The following SETD5 variants were observed in gnomAD, a reference collection of about 807,000 sequenced individuals.
The protein encoded by SETD5 is SET domain containing 5.
A neutral mutation model predicts 153.3 loss-of-function variants in SETD5; 44 were observed. The observed-to-expected ratio is 0.29, with a 90% CI of 0.23 to 0.37. The LOEUF (loss-of-function observed/expected upper bound fraction) is 0.37. Among genes scored for constraint, SETD5 ranks in the 10% least tolerant of loss-of-function variants. The pLI is 1.00. For synonymous variants in SETD5, 716 were observed against 645.2 expected (o/e 1.11, Z -1.66); for missense variants, 1,544 against 1,768.0 (o/e 0.87, Z 2.27).
intron 8 of SETD5, 123 bp downstream of exon 8, chr3:9,440,821 A>T: frequency 7.8e-7 from 1 of 1,278,102 alleles, no homozygotes; most frequent in Non-Finnish European, 1.1e-6. Context: ...CAGATTAGCC[A>T]GGTGTTGATC....
chr3:9,410,183 T>C (rs565386276), intron 1 of SETD5, among the ~76,000 whole-genome samples: 1 of 152,344 alleles, frequency 6.6e-6, no homozygotes, highest in East Asian at 1.9e-4. Context: ...GTGCAGCATG[T>C]GACCACTGGA....
At chr3:9,446,983 T>G in intron 13 of SETD5, 67 bp from the exon 14 acceptor site, 1 of 1,163,898 alleles carries the variant, frequency 8.6e-7, no homozygotes, top group Non-Finnish European at 1.2e-6. Flanking sequence ...TTAAAAATAC[T>G]TTTATAAAAG....
At position 9,435,834 on chromosome 3, in the gene SETD5, A is replaced by G; in HGVS notation, c.495A>G (p.Arg165=). 1 of 1,601,986 alleles carries G rather than the reference A, an allele frequency of 6.2e-7. No individual in the cohort carries two copies. Among genetic ancestry groups the G allele is most frequent in the Non-Finnish European group, 8.5e-7 (1 of 1,173,962 alleles). The change falls in exon 7 of 23, where the codon AGA becomes AGG. Residue 165 remains arginine, a synonymous_variant. Transcript: ENST00000402198. ...CTACAAGCATCACCTTAACTGTTAG[A>G]AGAACCAAACCCAAGAAGCGGAAAA... The part of the protein sequence containing the change: ...HTPTSITLTV[R]RTKPKKRKKS...
At chr3:9,467,199 C>CAAAAAAAAAAAAAAAAAAAAAAA (rs35894304) in intron 18 of SETD5, among the ~76,000 whole-genome samples, 1 of 40,860 alleles carries the variant, frequency 2.4e-5, no homozygotes. Flanking sequence ...GACTCTCTCT[C>CAAAAAAAAAAAAAAAAAAAAAAA]AAAAAAAAAA....
chr3:9,426,837 C>T (rs2039323811), intron 2 of SETD5, among the ~76,000 whole-genome samples: 2 of 152,132 alleles, frequency 1.3e-5, no homozygotes, highest in South Asian at 2.1e-4. Flanking sequence ...TTCATCTGGC[C>T]CAGTCATTTC....
chr3:9,471,140 A>G (rs1194295208), intron 19 of SETD5, among the ~76,000 whole-genome samples: 1 of 152,328 alleles, frequency 6.6e-6, no homozygotes, highest in East Asian at 1.9e-4. Context: ...TGTGCCATAT[A>G]CTTGCTAGGC....
chr3:9,430,433 T>A, intron 3 of SETD5: 1 of 754,938 alleles, frequency 1.3e-6, no homozygotes, highest in African/African-American at 1.9e-5. Context: ...TTTCTTCTTT[T>A]GTTTTTGTTT....
chr3:9,411,304 A>G (rs903411883), intron 1 of SETD5, among the ~76,000 whole-genome samples: 1 of 152,144 alleles, frequency 6.6e-6, no homozygotes, highest in Non-Finnish European at 1.5e-5. Flanking sequence ...AAAGGATGTC[A>G]TATATTTTTT....
At chr3:9,419,180 C>T (rs1325040523) in intron 1 of SETD5, among the ~76,000 whole-genome samples, 3 of 152,208 alleles carry the variant, frequency 2.0e-5, no homozygotes, top group South Asian at 2.1e-4. Context: ...GTACTTGGCA[C>T]ATAGGCAAAC....
chr3:9,451,264 C>T (rs987059541), intron 16 of SETD5, among the ~76,000 whole-genome samples: 2 of 152,138 alleles, frequency 1.3e-5, no homozygotes, highest in Non-Finnish European at 2.9e-5. Context: ...AACCGGGACT[C>T]GGTGAAAATC....
intron 7 of SETD5, among the ~76,000 whole-genome samples, chr3:9,436,399 C>G (rs762201054): frequency 3.3e-5 from 5 of 152,176 alleles, no homozygotes; most frequent in Non-Finnish European, 5.9e-5. Flanking sequence ...GCTAAAATGT[C>G]TACGGGAGAA....
intron 19 of SETD5, among the ~76,000 whole-genome samples, chr3:9,472,554 CCT>C (rs1225543748): frequency 3.3e-5 from 5 of 152,192 alleles, no homozygotes; most frequent in Non-Finnish European, 7.4e-5. Context: ...ATAATAATTT[CCT>C]CTCTTTTTAC....
chr3:9,462,402 A>C (rs1445572618), intron 17 of SETD5, among the ~76,000 whole-genome samples: 1 of 151,740 alleles, frequency 6.6e-6, no homozygotes, highest in Non-Finnish European at 1.5e-5. Flanking sequence ...CCTGGCCAAC[A>C]TGGTGAAACC....
chr3:9,416,894 G>C (rs1274198445), intron 1 of SETD5, among the ~76,000 whole-genome samples: 1 of 151,668 alleles, frequency 6.6e-6, no homozygotes, highest in East Asian at 1.9e-4. Context: ...GGGAACATTG[G>C]GTTTTCTCTG....
chr3:9,470,947 T>A lies in SETD5; in HGVS notation c.3195+18T>A. 7.2e-7 allele frequency: 1 copy of A among 1,387,776 alleles called. No individual in the cohort carries two copies. Among genetic ancestry groups the A allele is most frequent in the Non-Finnish European group, 9.9e-7 (1 of 1,013,674 alleles). The allele number at this position is 1,387,776 out of a possible 1,614,324, so 86.0% of individuals were successfully genotyped here. A position where few individuals can be genotyped will look rare whatever the true frequency, so the allele number is the denominator to read the frequency against. ...GGAAAAAAGTAAGTGTTTCATGTTA[T>A]ATCGGCGAACTTTTCAAGAATGTTA... On this transcript the variant is annotated intron_variant, in intron 19 of 22. Transcript: ENST00000402198.
chr3:9,436,303 C>T (rs2040561911), intron 7 of SETD5, among the ~76,000 whole-genome samples: 1 of 152,042 alleles, frequency 6.6e-6, no homozygotes, highest in East Asian at 1.9e-4. Context: ...ATTGTTTTTC[C>T]TTGTTTCAAA....
chr3:9,418,009 C>T (rs1287772458), intron 1 of SETD5, among the ~76,000 whole-genome samples: 2 of 148,438 alleles, frequency 1.3e-5, no homozygotes, highest in African/African-American at 5.0e-5. Flanking sequence ...GGCGCGATCT[C>T]GGCTCACTGC....
Position 9,464,894 on chromosome 3 carries a change from C to T in SETD5, c.2724+222C>T, listed in dbSNP as rs369080149. ...ATAGGCATACTGCTACCACAAATCC[C>T]ATTCATGTATCTTTTGCATGCAGTC... On this transcript the variant is annotated intron_variant, in intron 18 of 22. Transcript: ENST00000402198. The T allele has an allele frequency of 1.9e-5, 11 of 593,150 alleles. No homozygotes were observed. In the African/African-American group the frequency reaches 1.9e-4, roughly 10 times the overall value. The allele number at this position is 593,150 out of a possible 1,614,324, so 36.7% of individuals were successfully genotyped here. A position where few individuals can be genotyped will look rare whatever the true frequency, so the allele number is the denominator to read the frequency against.
In SETD5 at chr3:9,444,282, T is replaced by C. The variant is rs138409191; in HGVS notation, c.1188-766T>C. 1.9e-3 allele frequency among the ~76,000 whole-genome samples: 287 copies of C among 152,252 alleles called. 5 individuals carry two copies. The highest frequency in any genetic ancestry group is 6.3e-3 in the African/African-American group (262 of 41,546). The stretch of plus-strand genomic sequence containing the variant: ...TGTTCTTTGGTCATTTGGGGCAAAA[T>C]AGAGGTTATGTGGTAAAGTGATGTT... On this transcript the variant is annotated intron_variant, in intron 11 of 22. Transcript: ENST00000402198.
Sources: allele counts gnomAD v4.1 joint callset (sites outside exome capture counted in the v4.1 genomes callset), GRCh38; gene constraint gnomAD v4.1.1; transcripts MANE v1.5; gene names NCBI Gene and HGNC (gene_info 2026-07-23, HGNC 2026-07-21).